The following HEMK2 variants were observed in gnomAD, a reference collection of about 807,000 sequenced individuals.
The protein encoded by HEMK2 is HemK methyltransferase 2, ETF1 glutamine and histone H4 lysine, also known as methyltransferase HEMK2.
chr21:28,883,547 TC>T, the HEMK2 span, among the ~76,000 whole-genome samples: 3 of 62,198 alleles, frequency 4.8e-5, no homozygotes, highest in Admixed American at 3.2e-4. Flanking sequence ...AATTAAAAGG[TC>T]CCCCAATAAT....
At chr21:28,771,867 G>C in the HEMK2 span, among the ~76,000 whole-genome samples, 121 of 151,816 alleles carry the variant, frequency 8.0e-4, no homozygotes, top group African/African-American at 2.7e-3. Context: ...ATCCAATCCT[G>C]CTTACTACCA....
At chr21:28,763,799 G>A in the HEMK2 span, among the ~76,000 whole-genome samples, 1 of 152,182 alleles carries the variant, frequency 6.6e-6, no homozygotes, top group African/African-American at 2.4e-5. Context: ...TGTGATTGGT[G>A]CTTCCAAACC....
At chr21:28,588,528 C>T in the HEMK2 span, among the ~76,000 whole-genome samples, 12,260 of 152,062 alleles carry the variant, frequency 0.081, 1,278 homozygotes, top group African/African-American at 0.23. Flanking sequence ...GCAATTTACC[C>T]GATCAGATTG....
the HEMK2 span, among the ~76,000 whole-genome samples, chr21:28,770,109 A>G: frequency 6.6e-6 from 1 of 152,286 alleles, no homozygotes; most frequent in South Asian, 2.1e-4. Flanking sequence ...TCCCTAAAGC[A>G]AGGCTTTTGT....
the HEMK2 span, among the ~76,000 whole-genome samples, chr21:28,866,606 T>C: frequency 6.6e-6 from 1 of 151,594 alleles, no homozygotes; most frequent in Non-Finnish European, 1.5e-5. Context: ...TGATGGCACA[T>C]GCCTATAATC....
the HEMK2 span, among the ~76,000 whole-genome samples, chr21:28,838,538 T>C: frequency 1.6e-5 from 2 of 121,486 alleles, no homozygotes; most frequent in Admixed American, 8.4e-5. Context: ...TGTCTCAAAA[T>C]AAAAAAAAAA....
chr21:28,620,314 A>G, the HEMK2 span, among the ~76,000 whole-genome samples: 25 of 151,948 alleles, frequency 1.6e-4, no homozygotes, highest in Admixed American at 1.6e-3. Context: ...CGCTTTTTCT[A>G]TTTTTTGGAA....
At chr21:28,846,274 T>A in the HEMK2 span, among the ~76,000 whole-genome samples, 4 of 152,184 alleles carry the variant, frequency 2.6e-5, no homozygotes, top group Non-Finnish European at 4.4e-5. Flanking sequence ...TCATGTGCCT[T>A]TATGGTAGAA....
the HEMK2 span, among the ~76,000 whole-genome samples, chr21:28,853,671 T>C: frequency 6.6e-6 from 1 of 152,170 alleles, no homozygotes; most frequent in Non-Finnish European, 1.5e-5. Context: ...AGGCCATCAC[T>C]GTTGCCTCAG....
At chr21:28,734,701 C>G in the HEMK2 span, among the ~76,000 whole-genome samples, 1 of 152,142 alleles carries the variant, frequency 6.6e-6, no homozygotes, top group Admixed American at 6.6e-5. Context: ...TGGGTCTCAT[C>G]ATGAGTCAAC....
chr21:28,795,196 G>A, the HEMK2 span, among the ~76,000 whole-genome samples: 1 of 152,122 alleles, frequency 6.6e-6, no homozygotes, highest in South Asian at 2.1e-4. Context: ...GAAAGCAAGA[G>A]AGTTACTCTG....
chr21:28,667,320 T>C, the HEMK2 span, among the ~76,000 whole-genome samples: 4 of 152,142 alleles, frequency 2.6e-5, no homozygotes, highest in Non-Finnish European at 5.9e-5. Context: ...GGTTTCTGGG[T>C]TAAAGTGAAA....
chr21:28,591,675 AT>A, the HEMK2 span, among the ~76,000 whole-genome samples: 2 of 151,780 alleles, frequency 1.3e-5, no homozygotes, highest in Non-Finnish European at 2.9e-5. Context: ...CCCAATAATT[AT>A]TTTTTCTGAT....
At chr21:28,855,939 C>T in the HEMK2 span, among the ~76,000 whole-genome samples, 2 of 152,266 alleles carry the variant, frequency 1.3e-5, no homozygotes, top group South Asian at 2.1e-4. Flanking sequence ...AACAACCTAA[C>T]ATTACATCTA....
At chr21:28,690,925 T>C in the HEMK2 span, among the ~76,000 whole-genome samples, 16 of 152,186 alleles carry the variant, frequency 1.1e-4, no homozygotes, top group Admixed American at 9.8e-4. Flanking sequence ...TGATTGATAT[T>C]CACAGTGCAA....
chr21:28,796,758 G>C, the HEMK2 span, among the ~76,000 whole-genome samples: 1 of 151,694 alleles, frequency 6.6e-6, no homozygotes, highest in African/African-American at 2.4e-5. Flanking sequence ...TTGTAGAAAC[G>C]GGAGTCTCCC....
chr21:28,763,787 G>A, the HEMK2 span, among the ~76,000 whole-genome samples: 2 of 152,102 alleles, frequency 1.3e-5, no homozygotes, highest in Admixed American at 6.6e-5. Context: ...CACTTAAGCA[G>A]ATGTGATTGG....
At chr21:28,603,422 G>A in the HEMK2 span, among the ~76,000 whole-genome samples, 5 of 152,098 alleles carry the variant, frequency 3.3e-5, no homozygotes, top group African/African-American at 9.6e-5. Flanking sequence ...TGCTTTCCAG[G>A]AGGCAGCCCA....
the HEMK2 span, among the ~76,000 whole-genome samples, chr21:28,791,735 C>T: frequency 1.3e-5 from 2 of 152,094 alleles, no homozygotes; most frequent in African/African-American, 4.8e-5. Context: ...CTTTAAGCAG[C>T]AGTAGGAGGA....
Sources: allele counts gnomAD v4.1 joint callset (sites outside exome capture counted in the v4.1 genomes callset), GRCh38; gene constraint gnomAD v4.1.1; transcripts MANE v1.5; gene names NCBI Gene and HGNC (gene_info 2026-07-23, HGNC 2026-07-21).